ZSWIM6: variants seen among roughly 807,000 people sequenced by gnomAD.
ZSWIM6 encodes zinc finger SWIM domain-containing protein 6.
In ZSWIM6, 9 loss-of-function variants were observed where a neutral mutation model predicts 113.2. The observed-to-expected ratio is 0.08, with a 90% CI of 0.05 to 0.14. The LOEUF is 0.14. Ranked by LOEUF, ZSWIM6 falls within the 10% of genes least tolerant of loss-of-function variation. ZSWIM6 has a pLI of 1.00. For synonymous variants in ZSWIM6, 611 were observed against 606.5 expected (o/e 1.01, Z -0.11); for missense variants, 1,162 against 1,552.2 (o/e 0.75, Z 4.22).
At chr5:61,501,603 G>A (rs561085880) in intron 4 of ZSWIM6, among the ~76,000 whole-genome samples, 20 of 152,298 alleles carry the variant, frequency 1.3e-4, no homozygotes, top group African/African-American at 4.8e-4. Flanking sequence ...TAACAACACT[G>A]GAGATTCACC....
rs11406379 is a variant in ZSWIM6, at chr5:61,545,080, CAAAA to C, written c.*770_*773del. 4.0e-5 allele frequency: 6 copies of C among 148,730 alleles called. No homozygotes were observed. In the East Asian group the frequency reaches 1.2e-3, roughly 29 times the overall value. The allele number at this position is 148,730 out of a possible 1,614,324, so 9.2% of individuals were successfully genotyped here. A position where few individuals can be genotyped will look rare whatever the true frequency, so the allele number is the denominator to read the frequency against. ...GCAGTAGCTTGGTTTTAAACAAAAA[CAAAA>C]AAAAAACTGAGAGAAAACCTATCAG... On this transcript the variant is annotated 3_prime_UTR_variant, in exon 14 of 14. Coordinates refer to ENST00000252744, the MANE Select transcript of ZSWIM6 (RefSeq NM_020928.2).
rs140247835 is a variant in ZSWIM6 at position 61,535,386 on chromosome 5, A to G, written c.2246-98A>G. On this transcript the variant is annotated intron_variant, in intron 9 of 13. Coordinates refer to ENST00000252744, the MANE Select transcript of ZSWIM6 (RefSeq NM_020928.2). ...TCATTTACTTGAAATTCTTATTTGT[A>G]TATGTTATAACTTTATGTGACATTT... The G allele has an allele frequency of 8.5e-5, 114 of 1,344,820 alleles. No individual in the cohort carries two copies. The African/African-American group carries it at 1.5e-3, about 18-fold the overall frequency. 83.3% of individuals were successfully genotyped at this position (1,344,820 alleles called of 1,614,324 possible). A position where few individuals can be genotyped will look rare whatever the true frequency, so the allele number is the denominator to read the frequency against.
chr5:61,465,629 C>G (rs953579516), intron 1 of ZSWIM6, among the ~76,000 whole-genome samples: 1 of 152,150 alleles, frequency 6.6e-6, no homozygotes, highest in African/African-American at 2.4e-5. Context: ...AATGAGAAAA[C>G]AACCAATACT....
intron 12 of ZSWIM6, 146 bp from the exon 13 acceptor site, chr5:61,541,738 A>G (rs1047623753): frequency 2.0e-4 from 130 of 661,486 alleles, no homozygotes; most frequent in Non-Finnish European, 5.2e-5. Context: ...CCAAATTCAT[A>G]TGTAGAGCTT....
At chr5:61,496,145 A>G (rs1459644973) in intron 4 of ZSWIM6, among the ~76,000 whole-genome samples, 1 of 152,120 alleles carries the variant, frequency 6.6e-6, no homozygotes, top group African/African-American at 2.4e-5. Flanking sequence ...AGCTGATTCT[A>G]GTTATGCCCT....
At chr5:61,374,927 A>G (rs1230432880) in intron 1 of ZSWIM6, among the ~76,000 whole-genome samples, 1 of 152,202 alleles carries the variant, frequency 6.6e-6, no homozygotes, top group Non-Finnish European at 1.5e-5. Flanking sequence ...TGAAAATGCC[A>G]ACAGGAATTT....
chr5:61,356,139 T>C (rs1169340005), intron 1 of ZSWIM6, among the ~76,000 whole-genome samples: 1 of 152,204 alleles, frequency 6.6e-6, no homozygotes, highest in Non-Finnish European at 1.5e-5. Flanking sequence ...CTTGCTCTGT[T>C]GTCCAAGCTG....
chr5:61,528,110 A>C (rs1749334100), intron 7 of ZSWIM6, among the ~76,000 whole-genome samples: 1 of 152,058 alleles, frequency 6.6e-6, no homozygotes, highest in African/African-American at 2.4e-5. Context: ...TATTTTTGGT[A>C]ATTGTTTTTC....
chr5:61,426,818 T>C (rs1338935810), intron 1 of ZSWIM6, among the ~76,000 whole-genome samples: 2 of 151,932 alleles, frequency 1.3e-5, no homozygotes, highest in Non-Finnish European at 1.5e-5. Context: ...TTTCTTTTTT[T>C]TTTTTTTTCT....
chr5:61,390,511 G>A (rs569358175), intron 1 of ZSWIM6, among the ~76,000 whole-genome samples: 89 of 151,890 alleles, frequency 5.9e-4, no homozygotes, highest in Admixed American at 1.7e-3. Context: ...TCTTTTTTCC[G>A]CTCCTCCTTG....
chr5:61,383,396 T>G (rs1042832550), intron 1 of ZSWIM6, among the ~76,000 whole-genome samples: 1 of 152,208 alleles, frequency 6.6e-6, no homozygotes, highest in African/African-American at 2.4e-5. Flanking sequence ...GCTGGCTTTC[T>G]CTTTACCTCC....
intron 1 of ZSWIM6, among the ~76,000 whole-genome samples, chr5:61,435,813 C>T (rs978684212): frequency 2.0e-5 from 3 of 151,824 alleles, no homozygotes; most frequent in Admixed American, 6.6e-5. Flanking sequence ...TTTTTGAAAT[C>T]TGATTTAAGG....
At chr5:61,415,015 G>A (rs369374601) in intron 1 of ZSWIM6, among the ~76,000 whole-genome samples, 6 of 152,216 alleles carry the variant, frequency 3.9e-5, no homozygotes, top group Admixed American at 1.3e-4. Flanking sequence ...ACTGGATTGC[G>A]GGGAGGTTAG....
chr5:61,369,689 C>T (rs550380177), intron 1 of ZSWIM6, among the ~76,000 whole-genome samples: 23 of 152,126 alleles, frequency 1.5e-4, no homozygotes, highest in Non-Finnish European at 3.2e-4. Flanking sequence ...TAGTTTTTCC[C>T]CTTGTATACC....
intron 4 of ZSWIM6, among the ~76,000 whole-genome samples, chr5:61,498,721 G>A (rs1363933068): frequency 6.6e-6 from 1 of 152,120 alleles, no homozygotes; most frequent in Non-Finnish European, 1.5e-5. Flanking sequence ...GACTCAAATA[G>A]TGATTTTTCT....
chr5:61,424,460 C>T (rs1020903669), intron 1 of ZSWIM6, among the ~76,000 whole-genome samples: 4 of 152,292 alleles, frequency 2.6e-5, no homozygotes, highest in Admixed American at 6.5e-5. Flanking sequence ...ACCCTGGTCT[C>T]GCCTAGGGAG....
At position 61,389,146 on chromosome 5, in the gene ZSWIM6, A is replaced by G. The variant is rs547510101; in HGVS notation, c.676+56198A>G. The stretch of plus-strand genomic sequence containing the variant: ...AGGGCACTCTGTAGGGCTTCCTCTC[A>G]TCTAGTTGGGGCTTATCTTTTTGGG... On this transcript the variant is annotated intron_variant, in intron 1 of 13. Coordinates refer to ENST00000252744, the MANE Select transcript of ZSWIM6 (RefSeq NM_020928.2). 8.5e-5 allele frequency among the ~76,000 whole-genome samples: 13 copies of G among 152,176 alleles called. No homozygotes were observed. The South Asian group carries it at 2.7e-3, about 32-fold the overall frequency.
At chr5:61,493,314 A>G (rs1748229333) in intron 3 of ZSWIM6, among the ~76,000 whole-genome samples, 1 of 152,140 alleles carries the variant, frequency 6.6e-6, no homozygotes, top group Non-Finnish European at 1.5e-5. Flanking sequence ...AACTTAAGTG[A>G]GAGAGAACCT....
At chr5:61,513,917 T>G (rs1020672977) in intron 4 of ZSWIM6, among the ~76,000 whole-genome samples, 2 of 152,112 alleles carry the variant, frequency 1.3e-5, no homozygotes, top group Non-Finnish European at 2.9e-5. Flanking sequence ...TTGCCCTTTT[T>G]AAAAATTGTT....
Sources: allele counts gnomAD v4.1 joint callset (sites outside exome capture counted in the v4.1 genomes callset), GRCh38; gene constraint gnomAD v4.1.1; transcripts MANE v1.5; gene names NCBI Gene and HGNC (gene_info 2026-07-23, HGNC 2026-07-21).